Variants in PLEKHM3 observed in about 807,000 individuals in gnomAD.
PLEKHM3 encodes the protein pleckstrin homology domain containing M3.
A neutral mutation model predicts 81.8 loss-of-function variants in PLEKHM3; 45 were observed. The observed-to-expected ratio is 0.55, with a 90% CI of 0.43 to 0.71. The LOEUF is 0.71. PLEKHM3 is among the 30% of genes least tolerant of loss of function. The pLI is 0.00. For synonymous variants in PLEKHM3, 352 were observed against 356.4 expected (o/e 0.99, Z 0.14); for missense variants, 788 against 924.3 (o/e 0.85, Z 1.91).
chr2:207,863,929 T>A (rs900498626), intron 6 of PLEKHM3, among the ~76,000 whole-genome samples: 2 of 145,962 alleles, frequency 1.4e-5, no homozygotes, highest in Admixed American at 6.8e-5. Context: ...ATATATATAT[T>A]AGAAAAGCAA....
chr2:207,885,713 T>C (rs1456802588), intron 6 of PLEKHM3, among the ~76,000 whole-genome samples: 1 of 152,182 alleles, frequency 6.6e-6, no homozygotes, highest in Non-Finnish European at 1.5e-5. Context: ...TGTGTAAGTA[T>C]TCCAGTTGAT....
chr2:207,922,438 A>G (rs1466535863), intron 5 of PLEKHM3, among the ~76,000 whole-genome samples: 1 of 152,190 alleles, frequency 6.6e-6, no homozygotes, highest in Non-Finnish European at 1.5e-5. Context: ...CTTCTATTTT[A>G]GGTTTTGAGG....
At chr2:207,862,697 C>T (rs2092473963) in intron 6 of PLEKHM3, among the ~76,000 whole-genome samples, 1 of 151,850 alleles carries the variant, frequency 6.6e-6, no homozygotes, top group Non-Finnish European at 1.5e-5. Context: ...ATAAATCATA[C>T]CTAAAGAGAA....
intron 7 of PLEKHM3, chr2:207,852,859 A>G (rs944756344): frequency 1.2e-5 from 5 of 410,622 alleles, no homozygotes; most frequent in African/African-American, 4.3e-5. Context: ...AGAAAAAAAG[A>G]AAAAAAAAAC....
intron 7 of PLEKHM3, among the ~76,000 whole-genome samples, chr2:207,852,443 G>A (rs2092417899): frequency 6.6e-6 from 1 of 152,086 alleles, no homozygotes; most frequent in Non-Finnish European, 1.5e-5. Context: ...ATCTGTCAGA[G>A]GTGGGATCCT....
At chr2:207,830,025 G>A (rs191956691) in intron 7 of PLEKHM3, among the ~76,000 whole-genome samples, 1 of 152,218 alleles carries the variant, frequency 6.6e-6, no homozygotes, top group East Asian at 1.9e-4. Context: ...CGGGGTGGGG[G>A]GTTGGAAGGG....
At position 207,879,989 on chromosome 2, in the gene PLEKHM3, C is replaced by A. The variant is rs779346721; in HGVS notation, c.1951-18727G>T. 5.3e-4 allele frequency among the ~76,000 whole-genome samples: 81 copies of A among 152,264 alleles called. 1 individual carries two copies. The highest frequency in any genetic ancestry group is 6.8e-3 in the Middle Eastern group (2 of 292). On this transcript the variant is annotated intron_variant, in intron 6 of 7. Transcript: ENST00000427836. ...TTGTCAGGAAGTGGCTCTGTAATTG[C>A]TTCCTGACAAGTTCTGGCAGCATTT...
At chr2:207,851,336 T>C (rs113403916) in intron 7 of PLEKHM3, 3 of 152,218 alleles carry the variant, frequency 2.0e-5, no homozygotes, top group African/African-American at 7.2e-5. Flanking sequence ...TGGATTAGGC[T>C]TTAGCAAAGC....
intron 3 of PLEKHM3, among the ~76,000 whole-genome samples, chr2:207,956,718 ATTTTTTTTTTTT>A (rs1170073686): frequency 7.2e-5 from 5 of 69,146 alleles, no homozygotes; most frequent in East Asian, 4.2e-4. Flanking sequence ...GCTGATTAAA[ATTTTTTTTTTTT>A]TTTTTTTTTT....
intron 2 of PLEKHM3, among the ~76,000 whole-genome samples, chr2:207,989,776 G>A (rs1461782833): frequency 1.3e-5 from 2 of 152,222 alleles, no homozygotes; most frequent in Non-Finnish European, 2.9e-5. Flanking sequence ...GATACATGGG[G>A]ATCAAAACAT....
chr2:207,840,652 C>T (rs375357288), intron 7 of PLEKHM3, among the ~76,000 whole-genome samples: 1 of 152,106 alleles, frequency 6.6e-6, no homozygotes, highest in African/African-American at 2.4e-5. Context: ...GTCCTCTGCC[C>T]ATTTTCTACT....
At chr2:207,846,182 G>C (rs112300427) in intron 7 of PLEKHM3, among the ~76,000 whole-genome samples, 1 of 151,942 alleles carries the variant, frequency 6.6e-6, no homozygotes, top group African/African-American at 2.4e-5. Context: ...TTGCTCTGTC[G>C]CCCAGGCTGG....
chr2:207,876,705 G>A (rs897742324), intron 6 of PLEKHM3, among the ~76,000 whole-genome samples: 2 of 152,154 alleles, frequency 1.3e-5, no homozygotes, highest in Non-Finnish European at 2.9e-5. Context: ...ACTTGACTGG[G>A]ACTTAAGTAA....
intron 7 of PLEKHM3, among the ~76,000 whole-genome samples, chr2:207,848,709 C>T (rs1442904935): frequency 1.3e-5 from 2 of 152,200 alleles, no homozygotes; most frequent in African/African-American, 2.4e-5. Flanking sequence ...AAAGTCCATG[C>T]CCCAACAAGT....
chr2:207,973,871 C>A (rs989059791), intron 3 of PLEKHM3, among the ~76,000 whole-genome samples: 1 of 152,134 alleles, frequency 6.6e-6, no homozygotes. Context: ...ATAAATGGAA[C>A]AGCTTTTCTT....
chr2:207,954,019 T>C (rs1233725052), intron 3 of PLEKHM3, among the ~76,000 whole-genome samples: 2 of 152,042 alleles, frequency 1.3e-5, no homozygotes, highest in Non-Finnish European at 2.9e-5. Context: ...ACACTGAATG[T>C]ACCTAACCAA....
intron 1 of PLEKHM3, among the ~76,000 whole-genome samples, chr2:208,002,200 C>A (rs1334908860): frequency 1.3e-5 from 2 of 152,218 alleles, no homozygotes; most frequent in Non-Finnish European, 2.9e-5. Context: ...CTTTTACTCA[C>A]ACAGAGAAAA....
chr2:207,880,707 G>A (rs1378797124), intron 6 of PLEKHM3, among the ~76,000 whole-genome samples: 1 of 125,416 alleles, frequency 8.0e-6, no homozygotes, highest in Admixed American at 9.8e-5. Flanking sequence ...AGCCTGCAGT[G>A]AGCCGAGATC....
At chr2:207,935,270 C>T (rs1012578842) in intron 4 of PLEKHM3, among the ~76,000 whole-genome samples, 3 of 152,070 alleles carry the variant, frequency 2.0e-5, no homozygotes, top group African/African-American at 4.8e-5. Context: ...CATCTTGTAC[C>T]GAAGAAAACC....
Sources: gnomAD v4.1 joint callset for allele counts (sites outside exome capture counted in the v4.1 genomes callset) on GRCh38, gnomAD v4.1.1 for gene constraint, MANE v1.5 for transcripts, NCBI Gene and HGNC (gene_info 2026-07-23, HGNC 2026-07-21) for gene names.